SAMD13: variants seen among roughly 807,000 people sequenced by gnomAD.
SAMD13 encodes the protein sterile alpha motif domain-containing protein 13.
Under a neutral mutation model 12.4 loss-of-function variants are expected in SAMD13, and 9 were observed. The ratio of observed to expected loss-of-function variants is 0.72; its 90% CI spans 0.44 to 1.26. The LOEUF (loss-of-function observed/expected upper bound fraction) is 1.26. SAMD13 is among the 50% of genes most tolerant of loss of function. SAMD13 has a pLI of 0.00. For missense variants in SAMD13, 84 were observed against 119.6 expected (o/e 0.70, Z 1.39); for synonymous variants, 46 against 45.4 (o/e 1.01, Z -0.05).
chr1:84,350,441 GA>G lies in SAMD13; in HGVS notation c.*668del. On this transcript the variant is annotated 3_prime_UTR_variant, in exon 4 of 4. Transcript: ENST00000394834. The stretch of plus-strand genomic sequence containing the variant: ...TCAGCTAGCTTTCAAATGGGGTAAC[GA>G]TATTTTCTGCATAGATTTTCTTTTA... 1 of 151,290 alleles carries G rather than the reference GA, an allele frequency of 6.6e-6. No individual in the cohort carries two copies. 9.4% of individuals were successfully genotyped at this position (151,290 alleles called of 1,614,324 possible).
At chr1:84,339,132 T>C (rs1021743340) in intron 3 of SAMD13, among the ~76,000 whole-genome samples, 1 of 152,226 alleles carries the variant, frequency 6.6e-6, no homozygotes, top group African/African-American at 2.4e-5. Context: ...TTCTGACTTA[T>C]ATGTCTGTCA....
At chr1:84,343,982 A>C (rs1005582605) in intron 3 of SAMD13, among the ~76,000 whole-genome samples, 1 of 151,978 alleles carries the variant, frequency 6.6e-6, no homozygotes, top group African/African-American at 2.4e-5. Flanking sequence ...GCCTAGTTTC[A>C]TCTCTATGAC....
At chr1:84,304,712 T>C (rs1678528802) in intron 2 of SAMD13, among the ~76,000 whole-genome samples, 1 of 152,108 alleles carries the variant, frequency 6.6e-6, no homozygotes, top group African/African-American at 2.4e-5. Flanking sequence ...GCTGTCATTA[T>C]AAATTAGTTT....
intron 3 of SAMD13, among the ~76,000 whole-genome samples, chr1:84,327,740 G>A (rs1679089092): frequency 6.6e-6 from 1 of 152,154 alleles, no homozygotes; most frequent in East Asian, 1.9e-4. Flanking sequence ...AAATAGAAGG[G>A]TGACTATGTG....
chr1:84,347,365 G>A (rs940740176), intron 3 of SAMD13, among the ~76,000 whole-genome samples: 3 of 152,166 alleles, frequency 2.0e-5, no homozygotes, highest in African/African-American at 7.2e-5. Flanking sequence ...ACTGAACAAA[G>A]GGAAAATCAG....
At chr1:84,328,845 T>C (rs1679115278) in intron 3 of SAMD13, among the ~76,000 whole-genome samples, 1 of 152,124 alleles carries the variant, frequency 6.6e-6, no homozygotes, top group South Asian at 2.1e-4. Flanking sequence ...ACTGCCTCCT[T>C]AAACTCTCCT....
intron 2 of SAMD13, among the ~76,000 whole-genome samples, chr1:84,315,998 T>C (rs1239668133): frequency 6.6e-6 from 1 of 152,210 alleles, no homozygotes; most frequent in Non-Finnish European, 1.5e-5. Context: ...TATATACATA[T>C]TGGCTATTTG....
intron 2 of SAMD13, among the ~76,000 whole-genome samples, chr1:84,318,123 G>C (rs796441840): frequency 6.6e-5 from 10 of 152,014 alleles, no homozygotes; most frequent in South Asian, 6.2e-4. Flanking sequence ...CTTTTCAAAA[G>C]CCCAAGTCTG....
rs72942100 is a variant in SAMD13, at chr1:84,348,181, C to T, written c.166-1450C>T. The stretch of plus-strand genomic sequence containing the variant: ...GGGAGCATTTGCAAGAGCGGTTTCT[C>T]ACAGAATCTTGTCAGAAACCCCGCC... On this transcript the variant is annotated intron_variant, in intron 3 of 3. Coordinates refer to ENST00000394834, the MANE Select transcript of SAMD13 (RefSeq NM_001134663.2). 5.6e-3 allele frequency among the ~76,000 whole-genome samples: 860 copies of T among 152,272 alleles called. 5 individuals carry two copies. Among genetic ancestry groups the T allele is most frequent in the African/African-American group, 0.019 (792 of 41,556 alleles).
intron 3 of SAMD13, among the ~76,000 whole-genome samples, chr1:84,338,434 T>C (rs928794954): frequency 4.0e-5 from 5 of 125,310 alleles, no homozygotes; most frequent in Admixed American, 8.9e-5. Context: ...TCATCTCTCT[T>C]TTTTTTTTTT....
At chr1:84,318,481 T>C (rs1443499819) in intron 2 of SAMD13, among the ~76,000 whole-genome samples, 1 of 152,182 alleles carries the variant, frequency 6.6e-6, no homozygotes, top group African/African-American at 2.4e-5. Flanking sequence ...TATAATTTCA[T>C]TATTTTTATA....
At position 84,311,341 on chromosome 1, in the gene SAMD13, A is replaced by G. The variant is rs528778545; in HGVS notation, c.53+8054A>G. ...ACAGAGTGAGACTGTCTAAAAAAAA[A>G]AAAAAAAAAGAAAAGAAAAGAAAAG... On this transcript the variant is annotated intron_variant, in intron 2 of 3. Coordinates refer to ENST00000394834, the MANE Select transcript of SAMD13 (RefSeq NM_001134663.2). Among the ~76,000 whole-genome samples, 9 of 151,364 alleles carry G rather than the reference A, an allele frequency of 5.9e-5. No homozygotes were observed. In the South Asian group the frequency reaches 1.9e-3, roughly 31 times the overall value.
chr1:84,307,771 C>T (rs1678613734), intron 2 of SAMD13, among the ~76,000 whole-genome samples: 1 of 152,040 alleles, frequency 6.6e-6, no homozygotes, highest in Admixed American at 6.6e-5. Context: ...TATTTTTTCC[C>T]CTTTTACTGT....
intron 2 of SAMD13, among the ~76,000 whole-genome samples, chr1:84,322,280 G>T (rs925795182): frequency 2.6e-5 from 4 of 152,104 alleles, no homozygotes; most frequent in Admixed American, 1.3e-4. Flanking sequence ...AATATCTGTT[G>T]TGTCAATGAA....
chr1:84,337,150 C>T (rs748137729), intron 3 of SAMD13, among the ~76,000 whole-genome samples: 70 of 152,094 alleles, frequency 4.6e-4, no homozygotes, highest in Non-Finnish European at 8.2e-4. Context: ...TCTGGGTGCA[C>T]GGTGCAAGCT....
chr1:84,301,034 T>G (rs958935487), upstream of SAMD13, among the ~76,000 whole-genome samples: 1 of 152,230 alleles, frequency 6.6e-6, no homozygotes, highest in African/African-American at 2.4e-5. Context: ...AGGTTTTGTT[T>G]GTTTCAGTTT....
At chr1:84,331,581 A>G (rs937790686) in intron 3 of SAMD13, among the ~76,000 whole-genome samples, 1 of 152,126 alleles carries the variant, frequency 6.6e-6, no homozygotes, top group African/African-American at 2.4e-5. Context: ...TTGTAGCATA[A>G]TGAACAGGGG....
chr1:84,324,137 T>C (rs1679006840), intron 2 of SAMD13, among the ~76,000 whole-genome samples: 1 of 152,210 alleles, frequency 6.6e-6, no homozygotes, highest in South Asian at 2.1e-4. Context: ...CTACGCATGA[T>C]CTCTGGGTTG....
intron 1 of SAMD13, chr1:84,302,571 C>A: frequency 1.6e-6 from 1 of 623,514 alleles, no homozygotes. Flanking sequence ...CACACACACA[C>A]ACACACCAGC....
Sources: gnomAD v4.1 joint callset for allele counts (sites outside exome capture counted in the v4.1 genomes callset) on GRCh38, gnomAD v4.1.1 for gene constraint, MANE v1.5 for transcripts, NCBI Gene and HGNC (gene_info 2026-07-23, HGNC 2026-07-21) for gene names.